STRA6: variants seen among roughly 807,000 people sequenced by gnomAD.
The protein encoded by STRA6 is signaling receptor and transporter of retinol STRA6.
In STRA6, 48 loss-of-function variants were observed where a neutral mutation model predicts 83.6. That is an observed-to-expected ratio of 0.57 (90% CI 0.46 to 0.73). The LOEUF is 0.73. Among genes scored for constraint, STRA6 ranks in the 30% least tolerant of loss-of-function variants. STRA6 has a pLI of 0.00. For synonymous variants in STRA6, 353 were observed against 362.3 expected (o/e 0.97, Z 0.29); for missense variants, 760 against 838.8 (o/e 0.91, Z 1.16).
rs530557081 is a variant in STRA6 at position 74,208,907 on chromosome 15, G to A, written c.-123C>T. The A allele has an allele frequency of 4.1e-3, 4,105 of 990,004 alleles. 9 individuals carry two copies. The highest frequency in any genetic ancestry group is 4.7e-3 in the Non-Finnish European group (3,916 of 833,358). 61.3% of individuals were successfully genotyped at this position (990,004 alleles called of 1,614,324 possible). The stretch of plus-strand genomic sequence containing the variant: ...CAGGCAAGCAGGGTGCTCCCAACAC[G>A]GGGCCTTCTCCTCTGAGCCCAGCAC... On this transcript the variant is annotated 5_prime_UTR_variant, in exon 1 of 19. Transcript: ENST00000323940.
chr15:74,209,036 T>C (rs2074326176), upstream of STRA6: 4 of 1,152,600 alleles, frequency 3.5e-6, no homozygotes, highest in Admixed American at 4.7e-5. Flanking sequence ...GATCTGCTCC[T>C]CCCGGAAGGC....
chr15:74,207,686 A>G, upstream of STRA6: 1 of 1,535,412 alleles, frequency 6.5e-7, no homozygotes, highest in East Asian at 2.4e-5. Context: ...GGGGATGGCC[A>G]CTGTGCCCAC....
chr15:74,209,711 C>G, upstream of STRA6: 1 of 453,482 alleles, frequency 2.2e-6, no homozygotes, highest in Non-Finnish European at 3.9e-6. Context: ...AGCACAGGCT[C>G]TCCCTACCCC....
intron 2 of STRA6, among the ~76,000 whole-genome samples, chr15:74,200,199 A>C (rs2073994216): frequency 6.6e-6 from 1 of 152,194 alleles, no homozygotes; most frequent in Non-Finnish European, 1.5e-5. Context: ...CAACCCGGGC[A>C]ACAAGAGCGA....
chr15:74,201,235 C>T (rs915898381), intron 2 of STRA6, among the ~76,000 whole-genome samples: 4 of 152,180 alleles, frequency 2.6e-5, no homozygotes, highest in African/African-American at 7.2e-5. Context: ...TGGGGAGGCA[C>T]GCAAGGATTT....
At chr15:74,194,888 TTCTCC>T in intron 7 of STRA6, 1 of 1,383,002 alleles carries the variant, frequency 7.2e-7, no homozygotes, top group Non-Finnish European at 9.3e-7. Context: ...GGTTCCGGAA[TTCTCC>T]TCTCAGCCCT....
chr15:74,202,364 G>C, intron 1 of STRA6, 82 bp from the exon 2 acceptor site: 1 of 1,553,074 alleles, frequency 6.4e-7, no homozygotes, highest in Non-Finnish European at 8.7e-7. Flanking sequence ...AAAGAAAGAC[G>C]GAAAACCCAA....
At position 74,189,523 on chromosome 15, in the gene STRA6, C is replaced by A. The variant is rs149401298; in HGVS notation, c.928-246G>T. Among the ~76,000 whole-genome samples the A allele has an allele frequency of 3.9e-3, 594 of 152,332 alleles. 7 individuals carry two copies. Among genetic ancestry groups the A allele is most frequent in the African/African-American group, 0.014 (564 of 41,572 alleles). On this transcript the variant is annotated intron_variant, in intron 11 of 18. Coordinates refer to ENST00000395105, the MANE Select transcript of STRA6 (RefSeq NM_022369.4). ...GCACCGTAACTTCATATAGTCAGCC[C>A]TGCGTATCTGTGGGTTCCACATCCA...
intron 1 of STRA6, 40 bp from the exon 2 acceptor site, chr15:74,202,322 T>C: frequency 6.3e-7 from 1 of 1,581,998 alleles, no homozygotes; most frequent in Non-Finnish European, 8.6e-7. Flanking sequence ...CCACTACAGA[T>C]GTGAAAAGAG....
At chr15:74,207,536 G>A (rs949981030), upstream of STRA6, among the ~76,000 whole-genome samples, 2 of 152,072 alleles carry the variant, frequency 1.3e-5, no homozygotes, top group South Asian at 2.1e-4. Flanking sequence ...AGAGACCCCC[G>A]TTGCTCTCCA....
In STRA6 at chr15:74,181,351, T is replaced by C; in HGVS notation, c.1628A>G (p.His543Arg). 6.2e-7 allele frequency: 1 copy of C among 1,611,974 alleles called. No homozygotes were observed. The highest frequency in any genetic ancestry group is 8.5e-7 in the Non-Finnish European group (1 of 1,179,520). ...VLLSALYNAI[H>R]LGQMDLSLLP... ...CAGGCTGAGGTCCATCTGGCCAAGG[T>C]GGATGGCGTTGTAGAGGGCAGAGAG... Residue 543 changes from histidine to arginine, a missense_variant, in exon 17 of 19, where the codon CAC becomes CGC. Transcript: ENST00000395105.
chr15:74,197,255 G>T lies in STRA6; in HGVS notation c.266+83C>A. ...CATTAAAGCCAGAGCTGCCTTTTAG[G>T]TACCTAACAAATCACCCACCCTCCC... On this transcript the variant is annotated intron_variant, in intron 4 of 18. Coordinates refer to ENST00000395105, the MANE Select transcript of STRA6 (RefSeq NM_022369.4). The T allele has an allele frequency of 1.0e-6, 1 of 991,038 alleles. No homozygotes were observed. Among genetic ancestry groups the T allele is most frequent in the Non-Finnish European group, 1.6e-6 (1 of 640,178 alleles). 61.4% of individuals were successfully genotyped at this position (991,038 alleles called of 1,614,324 possible). A position where few individuals can be genotyped will look rare whatever the true frequency, so the allele number is the denominator to read the frequency against.
At chr15:74,184,074 T>C in intron 13 of STRA6, 85 bp from the exon 14 acceptor site, 1 of 1,575,872 alleles carries the variant, frequency 6.3e-7, no homozygotes, top group Non-Finnish European at 8.6e-7. Flanking sequence ...CTGGCCAAAC[T>C]CCCAATAGAA....
At position 74,189,421 on chromosome 15, in the gene STRA6, A is replaced by G. The variant is rs138853163; in HGVS notation, c.928-144T>C. On this transcript the variant is annotated intron_variant, in intron 11 of 18. Coordinates refer to ENST00000395105, the MANE Select transcript of STRA6 (RefSeq NM_022369.4). ...AGTGTTCTTATCTGCCCCTTAGAGC[A>G]GGGATCTCACGCCTCTAAATGAGGA... The G allele has an allele frequency of 1.5e-3, 1,926 of 1,256,988 alleles. 21 individuals are homozygous for G. The highest frequency in any genetic ancestry group is 9.1e-3 in the East Asian group (361 of 39,528). The allele number at this position is 1,256,988 out of a possible 1,614,324, so 77.9% of individuals were successfully genotyped here.
intron 1 of STRA6, chr15:74,208,667 C>A: frequency 1.0e-6 from 1 of 974,456 alleles, no homozygotes; most frequent in Non-Finnish European, 1.2e-6. Context: ...TTGCTCCAGC[C>A]CATCACTCTG....
At chr15:74,181,075 C>T (rs2072958171) in intron 17 of STRA6, 138 bp from the exon 18 acceptor site, 4 of 1,390,980 alleles carry the variant, frequency 2.9e-6, no homozygotes, top group South Asian at 1.3e-5. Flanking sequence ...GCACGTGGCA[C>T]ATTGGCTGCA....
upstream of STRA6, among the ~76,000 whole-genome samples, chr15:74,205,631 C>T (rs1567202449): frequency 6.6e-6 from 1 of 152,204 alleles, no homozygotes; most frequent in Non-Finnish European, 1.5e-5. Flanking sequence ...ACATCCAAAC[C>T]ATATCGGGCA....
Position 74,183,461 on chromosome 15 carries a change from G to A in STRA6, c.1300+395C>T, listed in dbSNP as rs2073089910. 47 of 1,104,784 alleles carry A rather than the reference G, an allele frequency of 4.3e-5. No homozygotes were observed. In the South Asian group the frequency reaches 8.9e-4, roughly 21 times the overall value. The allele number at this position is 1,104,784 out of a possible 1,614,324, so 68.4% of individuals were successfully genotyped here. A position where few individuals can be genotyped will look rare whatever the true frequency, so the allele number is the denominator to read the frequency against. ...GGGTCTCACCATGTTGGCCAGGCTG[G>A]TCTTCATCTCCTGACTTCGTGATCC... On this transcript the variant is annotated intron_variant, in intron 14 of 18. Transcript: ENST00000395105.
intron 13 of STRA6, 127 bp from the exon 14 acceptor site, chr15:74,184,116 A>G (rs2073126778): frequency 7.1e-7 from 1 of 1,412,528 alleles, no homozygotes; most frequent in African/African-American, 1.4e-5. Flanking sequence ...AGGGAAGCCC[A>G]GAACTGTGGG....
Sources: gnomAD v4.1 joint callset for allele counts (sites outside exome capture counted in the v4.1 genomes callset) on GRCh38, gnomAD v4.1.1 for gene constraint, MANE v1.5 for transcripts, NCBI Gene and HGNC (gene_info 2026-07-23, HGNC 2026-07-21) for gene names.